Variants in FARP1 observed in about 807,000 individuals in gnomAD.
FARP1 encodes the protein FERM, ARHGEF and pleckstrin domain-containing protein 1.
FARP1 carries 52 observed loss-of-function variants against 128.8 expected under a neutral mutation model. That is an observed-to-expected ratio of 0.40 (90% CI 0.32 to 0.51). The LOEUF is 0.51. FARP1 is among the 20% of genes least tolerant of loss of function. The pLI is 0.45. For synonymous variants in FARP1, 580 were observed against 551.8 expected, an observed-to-expected ratio of 1.05 and a Z score of -0.72; for missense variants, 1,333 against 1,367.9, an observed-to-expected ratio of 0.97 and a Z score of 0.40.
chr13:98,342,486 G>A (rs767425942), intron 2 of FARP1, among the ~76,000 whole-genome samples: 1 of 152,048 alleles, frequency 6.6e-6, no homozygotes, highest in Non-Finnish European at 1.5e-5. Context: ...ATCACCTGAA[G>A]TCAGGAGTTC....
intron 1 of FARP1, among the ~76,000 whole-genome samples, chr13:98,150,864 T>C (rs774424553): frequency 2.0e-5 from 3 of 152,076 alleles, no homozygotes; most frequent in South Asian, 4.2e-4. Context: ...CTGAGTTGTG[T>C]TTGTTCTTTG....
intron 13 of FARP1, chr13:98,405,387 T>C (rs746554246): frequency 6.6e-6 from 1 of 152,204 alleles, no homozygotes; most frequent in African/African-American, 2.4e-5. Flanking sequence ...GCCATGAGAA[T>C]GTGTACATTT....
In FARP1 at chr13:98,431,140, T is replaced by G. The variant is rs375413721; in HGVS notation, c.2003T>G (p.Phe668Cys). ...CGGCTGGAGAACTTCTGCAGAGACTTTGAGCTGCAGAAGGTGTGTTACCTA... is the reference window on the plus strand; with the variant it reads ...CGGCTGGAGAACTTCTGCAGAGACTGTGAGCTGCAGAAGGTGTGTTACCTA... Reference protein sequence around the residue: ...SRRLENFCRDFELQKVCYLPL... With the variant: ...SRRLENFCRDCELQKVCYLPL... The change falls in exon 18 of 27, where the codon TTT becomes TGT. Residue 668 changes from phenylalanine (F) to cysteine (C), a missense_variant. By Grantham distance (205) the Phe-to-Cys change is radical. Around this residue, in one of 2 missense-constraint regions of FARP1, gnomAD observed 1,009 missense variants for 969.8 expected, o/e 1.04. Coordinates refer to ENST00000319562, the MANE Select transcript of FARP1 (RefSeq NM_005766.4). The G allele has an allele frequency of 2.1e-5, 34 of 1,613,882 alleles. No homozygotes were observed. The highest frequency in any genetic ancestry group is 2.9e-5 in the Non-Finnish European group (34 of 1,179,908).
rs140435173 is a variant in FARP1, at chr13:98,399,264, C to T, written c.1414+3788C>T. ...TCCTATGCTAATAAAGATTCTATAA[C>T]ATTGGCCAAAGGGTCCGTTTATACA... On this transcript the variant is annotated intron_variant, in intron 13 of 26. Coordinates refer to ENST00000319562, the MANE Select transcript of FARP1 (RefSeq NM_005766.4). The T allele has an allele frequency of 3.9e-5, 6 of 152,340 alleles. No individual in the cohort carries two copies. The East Asian group carries it at 7.7e-4, about 20-fold the overall frequency. The allele number at this position is 152,340 out of a possible 1,614,324, so 9.4% of individuals were successfully genotyped here. A position where few individuals can be genotyped will look rare whatever the true frequency, so the allele number is the denominator to read the frequency against.
intron 2 of FARP1, among the ~76,000 whole-genome samples, chr13:98,266,245 A>T (rs1359969649): frequency 6.6e-6 from 1 of 152,156 alleles, no homozygotes; most frequent in African/African-American, 2.4e-5. Context: ...ACATTATTTC[A>T]TCCCATTCCT....
At chr13:98,193,060 CT>C (rs749551572) in intron 1 of FARP1, among the ~76,000 whole-genome samples, 27 of 142,620 alleles carry the variant, frequency 1.9e-4, no homozygotes, top group African/African-American at 3.1e-4. Context: ...CCAGACTGTT[CT>C]TTTTTTTTTT....
At chr13:98,214,571 T>C (rs916889915) in intron 2 of FARP1, among the ~76,000 whole-genome samples, 2 of 152,242 alleles carry the variant, frequency 1.3e-5, no homozygotes, top group East Asian at 1.9e-4. Flanking sequence ...TAATCACTTA[T>C]GGGATATGAG....
chr13:98,369,216 C>T (rs771812979), intron 5 of FARP1, among the ~76,000 whole-genome samples: 21 of 152,238 alleles, frequency 1.4e-4, no homozygotes, highest in South Asian at 4.1e-4. Flanking sequence ...TGAGCCACTG[C>T]GCCCAACCTC....
chr13:98,166,491 G>A (rs1877272372), intron 1 of FARP1, among the ~76,000 whole-genome samples: 2 of 152,128 alleles, frequency 1.3e-5, no homozygotes, highest in South Asian at 4.1e-4. Flanking sequence ...GTAGGGGAGA[G>A]GTATTATTAT....
intron 2 of FARP1, among the ~76,000 whole-genome samples, chr13:98,227,287 G>C (rs1407328807): frequency 6.6e-6 from 1 of 152,080 alleles, no homozygotes; most frequent in African/African-American, 2.4e-5. Context: ...GCAAATGTCT[G>C]TTCTTTAGAT....
chr13:98,238,325 A>T (rs978745860), intron 2 of FARP1, among the ~76,000 whole-genome samples: 22 of 152,172 alleles, frequency 1.4e-4, no homozygotes, highest in African/African-American at 5.1e-4. Flanking sequence ...AACCCTTATG[A>T]TGATCCACTT....
chr13:98,176,022 G>T lies in FARP1; in HGVS notation c.-24+32530G>T. On this transcript the variant is annotated intron_variant, in intron 1 of 26. Coordinates refer to ENST00000319562, the MANE Select transcript of FARP1 (RefSeq NM_005766.4). This position sits in a 1 kb window ranked among gnomAD's most constrained non-coding sequence, Gnocchi z 6.2. Reference sequence around the variant, plus strand: ...GCAAATAATTCTGCAGTGAACATGGGAGTGCACATACCTCTTTGAGATCCG... The same window carrying T: ...GCAAATAATTCTGCAGTGAACATGGTAGTGCACATACCTCTTTGAGATCCG... 2 of 758,854 alleles carry T rather than the reference G, an allele frequency of 2.6e-6. No individual in the cohort carries two copies. 47.0% of individuals were successfully genotyped at this position (758,854 alleles called of 1,614,324 possible).
At chr13:98,161,157 T>C (rs943640653) in intron 1 of FARP1, among the ~76,000 whole-genome samples, 3 of 151,988 alleles carry the variant, frequency 2.0e-5, no homozygotes, top group Non-Finnish European at 4.4e-5. Context: ...TTCAAATTGG[T>C]AATATATTAT....
chr13:98,187,878 G>A (rs915679352), intron 1 of FARP1, among the ~76,000 whole-genome samples: 1 of 152,202 alleles, frequency 6.6e-6, no homozygotes, highest in Admixed American at 6.5e-5. Flanking sequence ...AATCTGCAAA[G>A]CATGCTGTTC....
At position 98,449,104 on chromosome 13, in the gene FARP1, G is replaced by GCTGT. The variant is rs150581615; in HGVS notation, c.*796_*799dup. 2.6e-5 allele frequency: 4 copies of GCTGT among 152,210 alleles called. No homozygotes were observed. The highest frequency in any genetic ancestry group is 9.7e-5 in the African/African-American group (4 of 41,436). 9.4% of individuals were successfully genotyped at this position (152,210 alleles called of 1,614,324 possible). A position where few individuals can be genotyped will look rare whatever the true frequency, so the allele number is the denominator to read the frequency against. On this transcript the variant is annotated 3_prime_UTR_variant, in exon 27 of 27. Coordinates refer to ENST00000319562, the MANE Select transcript of FARP1 (RefSeq NM_005766.4). ...GGAAGATAATAAGCCGTGGTGTTTT[G>GCTGT]CTGTCTGTCTGTGTCACAAGCATGA... is the stretch of plus-strand genomic sequence containing the variant.
At chr13:98,275,368 A>AGAG (rs1259525135) in intron 2 of FARP1, among the ~76,000 whole-genome samples, 1 of 135,504 alleles carries the variant, frequency 7.4e-6, no homozygotes, top group African/African-American at 2.6e-5. Context: ...AGAGAGAGAT[A>AGAG]ATATTTATAT....
intron 1 of FARP1, among the ~76,000 whole-genome samples, chr13:98,152,344 AG>A (rs1370826771): frequency 6.6e-6 from 1 of 152,186 alleles, no homozygotes; most frequent in East Asian, 1.9e-4. Flanking sequence ...CTTCTCATTT[AG>A]CAAAAATTTT....
chr13:98,335,243 A>C (rs1182147700), intron 2 of FARP1, among the ~76,000 whole-genome samples: 1 of 152,190 alleles, frequency 6.6e-6, no homozygotes, highest in Admixed American at 6.5e-5. Flanking sequence ...TTAAAGACAT[A>C]CTTGAGACTG....
chr13:98,382,094 G>A (rs1207944013), intron 6 of FARP1, among the ~76,000 whole-genome samples: 4 of 152,072 alleles, frequency 2.6e-5, no homozygotes, highest in Admixed American at 2.6e-4. Context: ...AGGTGTGGTG[G>A]TATGTGGCGG....
Sources: gnomAD v4.1 joint callset for allele counts (sites outside exome capture counted in the v4.1 genomes callset) on GRCh38, gnomAD v4.1.1 for gene constraint, gnomAD v4.1.1 regional missense constraint, Gnocchi (gnomAD v3.1) non-coding constraint, MANE v1.5 for transcripts, NCBI Gene and HGNC (gene_info 2026-07-23, HGNC 2026-07-21) for gene names.